FRMD4A: variants seen among roughly 807,000 people sequenced by gnomAD.
FRMD4A encodes the protein FERM domain-containing protein 4A.
In FRMD4A, 29 loss-of-function variants were observed where a neutral mutation model predicts 129.1. That is an observed-to-expected ratio of 0.22 (90% confidence interval 0.17 to 0.31). FRMD4A has a LOEUF of 0.31. FRMD4A is among the 10% of genes least tolerant of loss of function. FRMD4A has a pLI of 1.00. For synonymous variants in FRMD4A, 634 were observed against 571.6 expected, an observed-to-expected ratio of 1.11 and a Z score of -1.56; for missense variants, 1,272 against 1,375.8, an observed-to-expected ratio of 0.92 and a Z score of 1.19.
chr10:14,054,675 A>G (rs990105124), intron 2 of FRMD4A, among the ~76,000 whole-genome samples: 1 of 152,008 alleles, frequency 6.6e-6, no homozygotes, highest in Non-Finnish European at 1.5e-5. Flanking sequence ...GTCCCCTCCA[A>G]TGCCAAGTGA....
intron 12 of FRMD4A, among the ~76,000 whole-genome samples, chr10:13,720,170 TC>T (rs1226334834): frequency 6.6e-6 from 1 of 152,216 alleles, no homozygotes; most frequent in Non-Finnish European, 1.5e-5. Context: ...TGCCTCAGCC[TC>T]CTGAGTAGCT....
chr10:13,844,125 G>A (rs1054945063), intron 3 of FRMD4A, among the ~76,000 whole-genome samples: 1 of 152,090 alleles, frequency 6.6e-6, no homozygotes, highest in Non-Finnish European at 1.5e-5. Context: ...GTGTATTCAA[G>A]TGTGTGCATG....
At chr10:14,132,758 G>A (rs941129359) in intron 2 of FRMD4A, among the ~76,000 whole-genome samples, 8 of 152,318 alleles carry the variant, frequency 5.3e-5, no homozygotes, top group Non-Finnish European at 7.3e-5. Flanking sequence ...GGGCTCCCAC[G>A]CAGGCCCAGC....
chr10:13,710,315 G>C (rs1165822910), intron 12 of FRMD4A: 2 of 152,230 alleles, frequency 1.3e-5, no homozygotes, highest in African/African-American at 2.4e-5. Flanking sequence ...GGCAACTCCT[G>C]TCTCCCCCAT....
At chr10:13,697,637 TTCTG>T (rs201897946) in intron 14 of FRMD4A, among the ~76,000 whole-genome samples, 3,521 of 152,190 alleles carry the variant, frequency 0.023, 138 homozygotes, top group African/African-American at 0.081. Flanking sequence ...TGACTCAGTC[TTCTG>T]TCTGATATTG....
At chr10:14,233,214 T>C (rs544848374) in intron 2 of FRMD4A, among the ~76,000 whole-genome samples, 24 of 152,302 alleles carry the variant, frequency 1.6e-4, no homozygotes, top group Admixed American at 4.6e-4. Flanking sequence ...TCTACCTCCA[T>C]TGGAGAGCAA....
intron 5 of FRMD4A, among the ~76,000 whole-genome samples, chr10:13,787,031 G>A (rs963108646): frequency 2.6e-5 from 4 of 152,110 alleles, no homozygotes; most frequent in Non-Finnish European, 5.9e-5. Context: ...GAATTGAGGT[G>A]GCAAATTCTA....
chr10:13,742,117 A>G (rs1272889052), intron 9 of FRMD4A, among the ~76,000 whole-genome samples: 1 of 151,940 alleles, frequency 6.6e-6, no homozygotes, highest in Non-Finnish European at 1.5e-5. Context: ...CTGCCTCCCA[A>G]AGTGCTGGGA....
At chr10:14,162,740 G>A (rs1325901110) in intron 2 of FRMD4A, among the ~76,000 whole-genome samples, 1 of 146,724 alleles carries the variant, frequency 6.8e-6, no homozygotes, top group African/African-American at 2.6e-5. Context: ...ATTTTCGTTA[G>A]CTGGTTGCTG....
chr10:13,761,275 T>A (rs2092062519), intron 8 of FRMD4A, among the ~76,000 whole-genome samples: 1 of 152,216 alleles, frequency 6.6e-6, no homozygotes, highest in Non-Finnish European at 1.5e-5. Context: ...GAAAAAAAGA[T>A]GTCCACCTAC....
At chr10:14,164,433 G>A (rs1352643261) in intron 2 of FRMD4A, among the ~76,000 whole-genome samples, 2 of 152,114 alleles carry the variant, frequency 1.3e-5, no homozygotes, top group African/African-American at 2.4e-5. Flanking sequence ...TGGTTTGTGC[G>A]GTGTCTACAG....
At chr10:14,319,337 A>G (rs947773136) in intron 2 of FRMD4A, among the ~76,000 whole-genome samples, 1 of 76,588 alleles carries the variant, frequency 1.3e-5, no homozygotes, top group Non-Finnish European at 2.8e-5. Flanking sequence ...TAGTAACTGA[A>G]TATCTCTCTC....
intron 3 of FRMD4A, among the ~76,000 whole-genome samples, chr10:13,826,579 T>C (rs1299637223): frequency 6.6e-6 from 1 of 152,152 alleles, no homozygotes; most frequent in Non-Finnish European, 1.5e-5. Flanking sequence ...TTCATTTAAG[T>C]TGGAAGTTCC....
At chr10:13,905,000 A>G (rs1285415250) in intron 2 of FRMD4A, among the ~76,000 whole-genome samples, 6 of 151,004 alleles carry the variant, frequency 4.0e-5, no homozygotes, top group Non-Finnish European at 4.4e-5. Context: ...CTCAAAAAAA[A>G]AAAAAAAAAA....
At chr10:14,098,447 A>T (rs1221313524) in intron 2 of FRMD4A, among the ~76,000 whole-genome samples, 1 of 150,862 alleles carries the variant, frequency 6.6e-6, no homozygotes, top group South Asian at 2.1e-4. Flanking sequence ...TCTGTCACCC[A>T]GGCTGGAGTG....
chr10:14,227,947 C>T (rs997433379), intron 2 of FRMD4A, among the ~76,000 whole-genome samples: 3 of 152,046 alleles, frequency 2.0e-5, no homozygotes, highest in African/African-American at 7.2e-5. Flanking sequence ...GATCTTGGCT[C>T]ACTGCAACTT....
Position 13,737,838 on chromosome 10 carries a change from C to T in FRMD4A, c.759+6G>A. ...GAGTTAAACCCAAGCAGGAGACCAG[C>T]CTTACCTTTCTTGGCTTCACTTTAT... On this transcript the variant is annotated splice_donor_region_variant and intron_variant, in intron 12 of 24. Transcript: ENST00000357447. The T allele has an allele frequency of 6.5e-7, 1 of 1,532,160 alleles. No individual in the cohort carries two copies. Among genetic ancestry groups the T allele is most frequent in the South Asian group, 1.1e-5 (1 of 89,300 alleles). 94.9% of individuals were successfully genotyped at this position (1,532,160 alleles called of 1,614,324 possible).
intron 2 of FRMD4A, among the ~76,000 whole-genome samples, chr10:14,185,392 C>T (rs1326930954): frequency 1.3e-5 from 2 of 152,126 alleles, no homozygotes; most frequent in Non-Finnish European, 2.9e-5. Context: ...GTAGAATGTG[C>T]ATGAAAAAAT....
intron 2 of FRMD4A, among the ~76,000 whole-genome samples, chr10:14,295,255 T>A (rs1402008109): frequency 6.6e-6 from 1 of 152,178 alleles, no homozygotes; most frequent in Non-Finnish European, 1.5e-5. Context: ...TGCCTCCATG[T>A]GATGCCCTAG....
Sources: gnomAD v4.1 joint callset for allele counts (sites outside exome capture counted in the v4.1 genomes callset) on GRCh38, gnomAD v4.1.1 for gene constraint, MANE v1.5 for transcripts, NCBI Gene and HGNC (gene_info 2026-07-23, HGNC 2026-07-21) for gene names.